The following CACNA1G variants were observed in gnomAD, a reference collection of about 807,000 sequenced individuals.
CACNA1G encodes calcium voltage-gated channel subunit alpha1 G.
CACNA1G carries 67 observed loss-of-function variants against 219.4 expected under a neutral mutation model. The observed-to-expected ratio is 0.31, with a 90% CI of 0.25 to 0.37. The LOEUF (loss-of-function observed/expected upper bound fraction) is 0.37, where lower values mean the gene tolerates loss of function less well. Among genes scored for constraint, CACNA1G ranks in the 10% least tolerant of loss-of-function variants. The probability of loss-of-function intolerance (pLI) is 1.00; values close to 1 mark genes in which losing one functional copy is unlikely to be tolerated. For missense variants in CACNA1G, 2,380 were observed against 3,231.4 expected (o/e 0.74, Z 6.39); for synonymous variants, 1,296 against 1,345.3 (o/e 0.96, Z 0.80).
At chr17:50,625,673 C>T (rs566702658) in intron 37 of CACNA1G, among the ~76,000 whole-genome samples, 208 of 152,232 alleles carry the variant, frequency 1.4e-3, no homozygotes, top group Non-Finnish European at 2.4e-3. Flanking sequence ...TAGGCAGAGG[C>T]GGGGAGGCGT....
In CACNA1G at chr17:50,626,565, C is replaced by G. The variant is rs770381438; in HGVS notation, c.6948C>G (p.Pro2316=). The part of the protein sequence containing the change: ...LSPPSITIDP[P]ESQGPRTPPS... ...CGCCTAGTATCACCATAGACCCCCC[C>G]GAGAGCCAAGGTCCTCGGACCCCGC... Residue 2316 remains proline, a synonymous_variant, in exon 38 of 38, where the codon CCC becomes CCG. Coordinates refer to ENST00000359106, the MANE Select transcript of CACNA1G (RefSeq NM_018896.5). This position sits in a 1 kb window ranked among gnomAD's most constrained non-coding sequence, Gnocchi z 4.3. 3.8e-6 allele frequency: 6 copies of G among 1,594,056 alleles called. No individual in the cohort carries two copies. The highest frequency in any genetic ancestry group is 4.3e-6 in the Non-Finnish European group (5 of 1,171,824).
chr17:50,592,892 C>T (rs958640434), intron 13 of CACNA1G, among the ~76,000 whole-genome samples: 4 of 152,178 alleles, frequency 2.6e-5, no homozygotes, highest in Non-Finnish European at 4.4e-5. Context: ...ACTCCCGCTG[C>T]GGCCTGGTCT....
intron 16 of CACNA1G, 94 bp downstream of exon 16, chr17:50,597,017 C>A: frequency 2.5e-6 from 3 of 1,200,022 alleles, no homozygotes; most frequent in Non-Finnish European, 3.4e-6. Context: ...AAGGGCACAG[C>A]CCCTGCCCCA....
intron 16 of CACNA1G, among the ~76,000 whole-genome samples, chr17:50,598,413 T>C (rs2045979305): frequency 6.6e-6 from 1 of 152,252 alleles, no homozygotes; most frequent in Non-Finnish European, 1.5e-5. Flanking sequence ...GAAATGAAGA[T>C]GGGAATGCCC....
At position 50,599,809 on chromosome 17, in the gene CACNA1G, C is replaced by T. The variant is rs752531872; in HGVS notation, c.3640C>T (p.Pro1214Ser). Reference protein sequence around the residue: ...ASGRLARALRPDDPPLDGDDA... With the variant: ...ASGRLARALRSDDPPLDGDDA... ...AGGGCGCCTGGCCCGGGCCCTGCGG[C>T]CTGATGACCCCCCACTGGATGGGGA... Residue 1214 changes from proline to serine, a missense_variant, in exon 17 of 38, where the codon CCT (proline) becomes TCT (serine). Physicochemically the swap from Pro to Ser is moderately conservative, Grantham distance 74 (BLOSUM62 -1). Coordinates refer to ENST00000359106, the MANE Select transcript of CACNA1G (RefSeq NM_018896.5). The T allele has an allele frequency of 9.3e-6, 15 of 1,611,772 alleles. No homozygotes were observed. The highest frequency in any genetic ancestry group is 5.9e-6 in the Non-Finnish European group (7 of 1,179,864).
At chr17:50,613,894 C>G (rs2049842866) in intron 26 of CACNA1G, among the ~76,000 whole-genome samples, 1 of 152,140 alleles carries the variant, frequency 6.6e-6, no homozygotes, top group African/African-American at 2.4e-5. Context: ...GCCCCAGGCT[C>G]TCCAGCCCCA....
chr17:50,602,424 G>A (rs1169145600), intron 19 of CACNA1G, among the ~76,000 whole-genome samples: 1 of 152,258 alleles, frequency 6.6e-6, no homozygotes, highest in Non-Finnish European at 1.5e-5. Flanking sequence ...CAGCAGGAAA[G>A]CAAGTGAAGA....
At position 50,626,305 on chromosome 17, in the gene CACNA1G, C is replaced by A. The variant is rs767711238; in HGVS notation, c.6688C>A (p.Pro2230Thr). 8.7e-6 allele frequency: 14 copies of A among 1,613,188 alleles called. No homozygotes were observed. Among genetic ancestry groups the A allele is most frequent in the Non-Finnish European group, 9.3e-6 (11 of 1,179,724 alleles). ...ELSWISGDLL[P>T]PGGQEEPPSP... ...GAGCTGGATTTCAGGAGACCTCCTG[C>A]CCCCTGGCGGCCAGGAGGAGCCCCC... The change falls in exon 38 of 38, where the codon CCC becomes ACC. Residue 2230 changes from proline (P) to threonine (T), a missense_variant. Coordinates refer to ENST00000359106, the MANE Select transcript of CACNA1G (RefSeq NM_018896.5). The surrounding 1 kb of genome is among the most constrained non-coding windows in gnomAD (Gnocchi z 4.3).
intron 23 of CACNA1G, among the ~76,000 whole-genome samples, chr17:50,606,625 G>T (rs940538185): frequency 6.6e-6 from 1 of 152,202 alleles, no homozygotes; most frequent in African/African-American, 2.4e-5. Flanking sequence ...GACCCACTCT[G>T]GTTTTGGTTT....
At chr17:50,584,198 G>A (rs1334975856) in intron 9 of CACNA1G, among the ~76,000 whole-genome samples, 1 of 152,190 alleles carries the variant, frequency 6.6e-6, no homozygotes, top group Non-Finnish European at 1.5e-5. Flanking sequence ...ATCTCTGGAT[G>A]AGAAGCCAGG....
chr17:50,604,033 T>A, intron 21 of CACNA1G, 122 bp from the exon 22 acceptor site: 1 of 987,690 alleles, frequency 1.0e-6, no homozygotes, highest in Non-Finnish European at 1.4e-6. Flanking sequence ...AGGACTTGTG[T>A]TCTGCCACCA....
chr17:50,603,636 C>T lies in CACNA1G; in HGVS notation c.4169+437C>T, dbSNP rs1433137263. On this transcript the variant is annotated intron_variant, in intron 21 of 37. Coordinates refer to ENST00000359106, the MANE Select transcript of CACNA1G (RefSeq NM_018896.5). The surrounding 1 kb of genome is among the most constrained non-coding windows in gnomAD (Gnocchi z 6.4). ...CAGGCGCCTGCCAGTGACCACCCCC[C>T]GGTGACATTTCTCCTGACCAGGGAT... Among the ~76,000 whole-genome samples, 6 of 152,102 alleles carry T rather than the reference C, an allele frequency of 3.9e-5. No individual in the cohort carries two copies. Among genetic ancestry groups the T allele is most frequent in the South Asian group, 2.1e-4 (1 of 4,814 alleles).
intron 27 of CACNA1G, among the ~76,000 whole-genome samples, chr17:50,615,983 C>T (rs1342590620): frequency 1.3e-5 from 2 of 152,192 alleles, no homozygotes; most frequent in Non-Finnish European, 2.9e-5. Context: ...TGCACAAGGC[C>T]CCTTCCAGTC....
chr17:50,575,325 G>A (rs2040426360), intron 7 of CACNA1G, among the ~76,000 whole-genome samples: 1 of 152,130 alleles, frequency 6.6e-6, no homozygotes, highest in African/African-American at 2.4e-5. Flanking sequence ...GTGATCTTGG[G>A]CAAATGTTTG....
At chr17:50,572,926 C>G in intron 6 of CACNA1G, 72 bp downstream of exon 6, 1 of 1,576,672 alleles carries the variant, frequency 6.3e-7, no homozygotes, top group South Asian at 1.2e-5. Context: ...TCGGAGTGGT[C>G]GCTCTCAGGG....
In CACNA1G at chr17:50,609,892, G is replaced by A; in HGVS notation, c.4716G>A (p.Leu1572=). 6.2e-7 allele frequency: 1 copy of A among 1,611,606 alleles called. No homozygotes were observed. The change falls in exon 26 of 38, where the codon CTG becomes CTA. Residue 1572 remains leucine, a synonymous_variant. Transcript: ENST00000359106. ...GTTTCGTTCTTTTAGATCTAATGCTGGACGATGTAATTGCTTCCGGCAGCT... is the reference window on the plus strand; with the variant it reads ...GTTTCGTTCTTTTAGATCTAATGCTAGACGATGTAATTGCTTCCGGCAGCT... The part of the protein sequence containing the change: ...RLEKKRRNLM[L]DDVIASGSSA...
At chr17:50,607,753 C>T (rs1027701765) in intron 24 of CACNA1G, 74 bp from the exon 25 acceptor site, 2 of 1,348,772 alleles carry the variant, frequency 1.5e-6, no homozygotes, top group African/African-American at 2.9e-5. Flanking sequence ...CGCAGGAACC[C>T]AGGCTGTGGG....
At chr17:50,624,331 A>AGCCC in intron 36 of CACNA1G, 29 bp from the exon 37 acceptor site, 1 of 598,518 alleles carries the variant, frequency 1.7e-6, no homozygotes, top group Non-Finnish European at 2.5e-6. Context: ...CTCTCCCCCC[A>AGCCC]CCCCTCCCCC....
intron 26 of CACNA1G, among the ~76,000 whole-genome samples, chr17:50,614,969 G>T (rs915025790): frequency 1.1e-4 from 16 of 152,246 alleles, no homozygotes; most frequent in Non-Finnish European, 2.2e-4. Flanking sequence ...CCCGTTGATG[G>T]CGCGTCCTCT....
Sources: allele counts gnomAD v4.1 joint callset (sites outside exome capture counted in the v4.1 genomes callset), GRCh38; gene constraint gnomAD v4.1.1; non-coding constraint Gnocchi (gnomAD v3.1); transcripts MANE v1.5; gene names NCBI Gene and HGNC (gene_info 2026-07-23, HGNC 2026-07-21).